Variants in MFAP3L observed in about 807,000 individuals in gnomAD.
MFAP3L encodes microfibrillar-associated protein 3-like.
In MFAP3L, 5 loss-of-function variants were observed where a neutral mutation model predicts 20.0. That is an observed-to-expected ratio of 0.25 (90% CI 0.13 to 0.53). MFAP3L has a LOEUF of 0.53. Among genes scored for constraint, MFAP3L ranks in the 20% least tolerant of loss-of-function variants. MFAP3L has a pLI of 0.96. For synonymous variants in MFAP3L, 219 were observed against 213.0 expected (o/e 1.03, Z -0.25); for missense variants, 409 against 527.5 (o/e 0.78, Z 2.20).
intron 2 of MFAP3L, among the ~76,000 whole-genome samples, chr4:169,996,322 GCTCA>G (rs1282782364): frequency 6.6e-6 from 1 of 152,078 alleles, no homozygotes; most frequent in Non-Finnish European, 1.5e-5. Flanking sequence ...TTTTTATCTT[GCTCA>G]CTAATTCAGT....
rs906481450 is a variant in MFAP3L at position 169,989,114 on chromosome 4, T to A, written c.*2264A>T. On this transcript the variant is annotated 3_prime_UTR_variant, in exon 3 of 3. Transcript: ENST00000361618. Reference sequence around the variant, plus strand: ...ATGGTAATGAATCTGTGGACCTCCATGACAACTGGAAAATTTTTATATTCT... The same window carrying A: ...ATGGTAATGAATCTGTGGACCTCCAAGACAACTGGAAAATTTTTATATTCT... The A allele has an allele frequency of 6.6e-5, 10 of 152,210 alleles. No individual in the cohort carries two copies. In the East Asian group the frequency reaches 1.5e-3, roughly 23 times the overall value. The allele number at this position is 152,210 out of a possible 1,614,324, so 9.4% of individuals were successfully genotyped here. A position where few individuals can be genotyped will look rare whatever the true frequency, so the allele number is the denominator to read the frequency against.
Position 169,991,475 on chromosome 4 carries a change from ACCT to A in MFAP3L, c.1130_1132del (p.Glu377del). 1 of 1,613,852 alleles carries A rather than the reference ACCT, an allele frequency of 6.2e-7. No individual in the cohort carries two copies. Among genetic ancestry groups the A allele is most frequent in the Non-Finnish European group, 8.5e-7 (1 of 1,179,972 alleles). On this transcript the variant is annotated inframe_deletion, in exon 3 of 3. Coordinates refer to ENST00000361618, the MANE Select transcript of MFAP3L (RefSeq NM_021647.8). The surrounding 1 kb of genome is among the most constrained non-coding windows in gnomAD (Gnocchi z 4.9). ...AGCTGGCGGCAGTACCTTATCTGGT[ACCT>A]CAACAGGTGTTGGCTCTTCAGATGT...
In MFAP3L at chr4:169,992,320, G is replaced by C; in HGVS notation, c.299-11C>G. The C allele has an allele frequency of 6.3e-7, 1 of 1,593,862 alleles. No homozygotes were observed. Among genetic ancestry groups the C allele is most frequent in the Non-Finnish European group, 8.6e-7 (1 of 1,168,712 alleles). ...GCATTTGCCATTTTCCTGTCGGAAG[G>C]GAGAGAAGAGAATTCAACCAAGGAC... On this transcript the variant is annotated splice_polypyrimidine_tract_variant and intron_variant, in intron 2 of 2. Coordinates refer to ENST00000361618, the MANE Select transcript of MFAP3L (RefSeq NM_021647.8). This position sits in a 1 kb window ranked among gnomAD's most constrained non-coding sequence, Gnocchi z 4.3.
intron 1 of MFAP3L, among the ~76,000 whole-genome samples, chr4:170,025,741 C>G (rs899519133): frequency 6.6e-6 from 1 of 152,148 alleles, no homozygotes; most frequent in Non-Finnish European, 1.5e-5. Context: ...CACAGCCGCC[C>G]GCACTCCTGC....
chr4:170,013,352 G>C (rs1166837997), intron 1 of MFAP3L, among the ~76,000 whole-genome samples: 1 of 152,068 alleles, frequency 6.6e-6, no homozygotes, highest in East Asian at 1.9e-4. Context: ...CTTTTAAAGA[G>C]AAAAAGAACC....
At chr4:170,003,685 C>T in intron 2 of MFAP3L, 1 of 985,410 alleles carries the variant, frequency 1.0e-6, no homozygotes, top group Non-Finnish European at 1.2e-6. Context: ...GCTTTAGGGT[C>T]CATGTAAAAG....
intron 2 of MFAP3L, chr4:169,994,219 G>A: frequency 1.0e-6 from 1 of 985,374 alleles, no homozygotes; most frequent in Non-Finnish European, 1.2e-6. Flanking sequence ...GGAAAATATA[G>A]CAGAAAATAG....
intron 1 of MFAP3L, among the ~76,000 whole-genome samples, chr4:170,025,943 G>T (rs1408675510): frequency 2.0e-5 from 3 of 152,262 alleles, no homozygotes; most frequent in African/African-American, 7.2e-5. Flanking sequence ...GCCGGCAGCT[G>T]GCAGTGGATT....
In MFAP3L at chr4:170,026,258, G is replaced by A; in HGVS notation, c.-158C>T. The A allele has an allele frequency of 1.0e-6, 1 of 984,590 alleles. No homozygotes were observed. Among genetic ancestry groups the A allele is most frequent in the East Asian group, 1.1e-4 (1 of 8,754 alleles). 61.0% of individuals were successfully genotyped at this position (984,590 alleles called of 1,614,324 possible). A position where few individuals can be genotyped will look rare whatever the true frequency, so the allele number is the denominator to read the frequency against. ...CCTGACACCGCCGCGCCACTCAGGT[G>A]GCCGCCGTGCACCCCTCGCCATGGC... On this transcript the variant is annotated 5_prime_UTR_variant, in exon 1 of 3. Coordinates refer to ENST00000361618, the MANE Select transcript of MFAP3L (RefSeq NM_021647.8).
chr4:169,991,052 C>CA lies in MFAP3L; in HGVS notation c.*325dup. The CA allele has an allele frequency of 3.2e-6, 1 of 311,172 alleles. No individual in the cohort carries two copies. Among genetic ancestry groups the CA allele is most frequent in the Non-Finnish European group, 5.9e-6 (1 of 168,598 alleles). 19.3% of individuals were successfully genotyped at this position (311,172 alleles called of 1,614,324 possible). A position where few individuals can be genotyped will look rare whatever the true frequency, so the allele number is the denominator to read the frequency against. ...GGGCACTGGACAGGGTTCTTGAACT[C>CA]AGAATATCTTACAGTGGTGTACTCT... On this transcript the variant is annotated 3_prime_UTR_variant, in exon 3 of 3. Transcript: ENST00000361618. The surrounding 1 kb of genome is among the most constrained non-coding windows in gnomAD (Gnocchi z 4.9).
At chr4:170,022,720 A>C (rs1015412236) in intron 1 of MFAP3L, among the ~76,000 whole-genome samples, 2 of 152,166 alleles carry the variant, frequency 1.3e-5, no homozygotes, top group Non-Finnish European at 2.9e-5. Context: ...GTGATGCCCC[A>C]AGAGAAAGAT....
chr4:169,995,617 T>C (rs533233893), intron 2 of MFAP3L, among the ~76,000 whole-genome samples: 18 of 152,316 alleles, frequency 1.2e-4, no homozygotes, highest in Non-Finnish European at 2.1e-4. Context: ...CATCGGTCTA[T>C]AAATACCTGG....
At chr4:170,006,107 T>G in intron 1 of MFAP3L, 97 bp from the exon 2 acceptor site, 2 of 818,194 alleles carry the variant, frequency 2.4e-6, no homozygotes, top group South Asian at 2.6e-5. Context: ...AATACAAACA[T>G]CAACATACTT....
Position 170,005,642 on chromosome 4 carries a change from T to C in MFAP3L, c.236A>G (p.Lys79Arg). 6.2e-7 allele frequency: 1 copy of C among 1,614,238 alleles called. No individual in the cohort carries two copies. Residue 79 changes from lysine (K) to arginine (R), a missense_variant, in exon 2 of 3, where the codon AAG (lysine) becomes AGG (arginine). This residue lies in a region of MFAP3L where 113 missense variants were observed against 131.1 expected (regional missense o/e 0.86). Coordinates refer to ENST00000361618, the MANE Select transcript of MFAP3L (RefSeq NM_021647.8). ...CAGCTTGCCAATGGAATTATACCAC[T>C]TGAACTGTGGGTCAGGGATGCCATA... The part of the protein sequence containing the change: ...SVYGIPDPQF[K>R]WYNSIGKLLK...
At chr4:170,006,305 G>T (rs1478429364) in intron 1 of MFAP3L, among the ~76,000 whole-genome samples, 3 of 151,936 alleles carry the variant, frequency 2.0e-5, no homozygotes, top group Non-Finnish European at 4.4e-5. Flanking sequence ...TAGAGATGAG[G>T]TTTCACCGTG....
chr4:169,991,779 C>T lies in MFAP3L; in HGVS notation c.829G>A (p.Gly277Ser), dbSNP rs1030668423. The T allele has an allele frequency of 4.3e-6, 7 of 1,613,930 alleles. No homozygotes were observed. The highest frequency in any genetic ancestry group is 1.3e-5 in the African/African-American group (1 of 74,928). Reference sequence around the variant, plus strand: ...TCATCCCTGTCTGCGGCCTCCTGGCCCTCTGGAGTATGCCTCACAAAATTC... The same window carrying T: ...TCATCCCTGTCTGCGGCCTCCTGGCTCTCTGGAGTATGCCTCACAAAATTC... ...GQNFVRHTPE[G>S]QEAADRDEVY... is the part of the protein sequence containing the mutation. Residue 277 changes from glycine (G) to serine (S), a missense_variant, in exon 3 of 3, where the codon GGC becomes AGC. Gly to Ser is a moderately conservative substitution (Grantham distance 56). This residue lies in a region of MFAP3L where 169 missense variants were observed against 178.2 expected (regional missense o/e 0.95). Coordinates refer to ENST00000361618, the MANE Select transcript of MFAP3L (RefSeq NM_021647.8). This position sits in a 1 kb window ranked among gnomAD's most constrained non-coding sequence, Gnocchi z 4.9.
intron 1 of MFAP3L, among the ~76,000 whole-genome samples, chr4:170,014,076 G>A (rs918299194): frequency 2.4e-4 from 36 of 152,170 alleles, no homozygotes; most frequent in Admixed American, 9.8e-4. Flanking sequence ...CTTTGACACC[G>A]TCCTTATTAG....
In MFAP3L at chr4:169,992,673, A is replaced by T. The variant is rs1458725984; in HGVS notation, c.299-364T>A. Among the ~76,000 whole-genome samples the T allele has an allele frequency of 6.6e-6, 1 of 152,244 alleles. No individual in the cohort carries two copies. The highest frequency in any genetic ancestry group is 2.4e-5 in the African/African-American group (1 of 41,466). On this transcript the variant is annotated intron_variant, in intron 2 of 2. Coordinates refer to ENST00000361618, the MANE Select transcript of MFAP3L (RefSeq NM_021647.8). This position sits in a 1 kb window ranked among gnomAD's most constrained non-coding sequence, Gnocchi z 4.3. ...ACCATATTGTCTAACTCCACATCCTAGTGAAAAATGAGAGAAACAATCTGG... is the reference window on the plus strand; with the variant it reads ...ACCATATTGTCTAACTCCACATCCTTGTGAAAAATGAGAGAAACAATCTGG...
At chr4:170,006,908 C>A (rs1739073158) in intron 1 of MFAP3L, 1 of 152,266 alleles carries the variant, frequency 6.6e-6, no homozygotes, top group African/African-American at 2.4e-5. Flanking sequence ...CTCCAGGTCA[C>A]TCATGTACAC....
Sources: allele counts gnomAD v4.1 joint callset (sites outside exome capture counted in the v4.1 genomes callset), GRCh38; gene constraint gnomAD v4.1.1; regional missense constraint gnomAD v4.1.1; non-coding constraint Gnocchi (gnomAD v3.1); transcripts MANE v1.5; gene names NCBI Gene and HGNC (gene_info 2026-07-23, HGNC 2026-07-21).